Variants in MAGI3 observed in about 807,000 individuals in gnomAD.
MAGI3 encodes the protein membrane associated guanylate kinase, WW and PDZ domain containing 3, also known as membrane-associated guanylate kinase, WW and PDZ domain-containing protein 3.
MAGI3 carries 43 observed loss-of-function variants against 121.8 expected under a neutral mutation model. That is an observed-to-expected ratio of 0.35 (90% CI 0.28 to 0.46). The LOEUF (loss-of-function observed/expected upper bound fraction) is 0.46. Ranked by LOEUF, MAGI3 falls within the 20% of genes least tolerant of loss-of-function variation. The pLI is 1.00. For synonymous variants in MAGI3, 553 were observed against 639.3 expected (o/e 0.86, Z 2.04); for missense variants, 1,547 against 1,797.3 (o/e 0.86, Z 2.52).
chr1:113,603,443 C>A (rs1222401796), intron 6 of MAGI3, among the ~76,000 whole-genome samples: 2 of 152,130 alleles, frequency 1.3e-5, no homozygotes, highest in Non-Finnish European at 2.9e-5. Context: ...TAATTGGTAT[C>A]AATCCTACTG....
chr1:113,649,347 G>T lies in MAGI3; in HGVS notation c.2247+19G>T. On this transcript the variant is annotated intron_variant, in intron 13 of 20. Transcript: ENST00000307546. ...CCAGTCTGTAAGTGTCACTTCTTTG[G>T]AACATGGCTGTTTCCTGTTCAAACG... The T allele has an allele frequency of 6.4e-7, 1 of 1,553,134 alleles. No homozygotes were observed. Among genetic ancestry groups the T allele is most frequent in the South Asian group, 1.2e-5 (1 of 84,644 alleles).
intron 1 of MAGI3, among the ~76,000 whole-genome samples, chr1:113,447,227 A>T (rs1415040408): frequency 6.6e-6 from 1 of 152,240 alleles, no homozygotes; most frequent in African/African-American, 2.4e-5. Flanking sequence ...GGTCATTTAT[A>T]ATGAATGGAA....
chr1:113,598,215 T>G (rs1649140068), intron 6 of MAGI3, among the ~76,000 whole-genome samples: 1 of 136,120 alleles, frequency 7.3e-6, no homozygotes, highest in Admixed American at 7.3e-5. Flanking sequence ...CTGCCTGCCA[T>G]CCCCCCACCC....
chr1:113,684,740 A>C lies in MAGI3; in HGVS notation c.*726A>C, dbSNP rs1462753710. On this transcript the variant is annotated 3_prime_UTR_variant, in exon 21 of 21. Coordinates refer to ENST00000307546, the MANE Select transcript of MAGI3 (RefSeq NM_001142782.2). ...AATAAGAAAGTACTTTAAGCAATAGAGTTCATCTCCTGCTGTGTTATCCAA... is the reference window on the plus strand; with the variant it reads ...AATAAGAAAGTACTTTAAGCAATAGCGTTCATCTCCTGCTGTGTTATCCAA... 3 of 152,368 alleles carry C rather than the reference A, an allele frequency of 2.0e-5. No homozygotes were observed. Among genetic ancestry groups the C allele is most frequent in the Non-Finnish European group, 4.4e-5 (3 of 68,040 alleles). 9.4% of individuals were successfully genotyped at this position (152,368 alleles called of 1,614,324 possible). A position where few individuals can be genotyped will look rare whatever the true frequency, so the allele number is the denominator to read the frequency against.
intron 1 of MAGI3, among the ~76,000 whole-genome samples, chr1:113,540,868 A>G (rs1166206974): frequency 6.6e-6 from 1 of 152,230 alleles, no homozygotes; most frequent in Admixed American, 6.5e-5. Context: ...TTTTAGTTAT[A>G]CATAATTTGA....
intron 14 of MAGI3, 33 bp from the exon 15 acceptor site, chr1:113,653,797 C>A: frequency 3.3e-6 from 5 of 1,535,560 alleles, no homozygotes; most frequent in Non-Finnish European, 4.4e-6. Context: ...TATGATGTTC[C>A]AGACATATCA....
intron 1 of MAGI3, among the ~76,000 whole-genome samples, chr1:113,474,865 C>G (rs1655731839): frequency 6.6e-6 from 1 of 152,216 alleles, no homozygotes; most frequent in African/African-American, 2.4e-5. Context: ...TTCTTCCTAT[C>G]TATGAGCATG....
At chr1:113,559,684 C>T (rs1304184326) in intron 2 of MAGI3, among the ~76,000 whole-genome samples, 1 of 152,092 alleles carries the variant, frequency 6.6e-6, no homozygotes, top group Non-Finnish European at 1.5e-5. Flanking sequence ...TCTCCTGCTT[C>T]AGCCTCCTGA....
chr1:113,450,367 G>A, intron 1 of MAGI3: 2 of 1,217,752 alleles, frequency 1.6e-6, no homozygotes, highest in Non-Finnish European at 2.4e-6. Flanking sequence ...GGCAGCAGAG[G>A]TAGTTATGGA....
chr1:113,667,723 T>C (rs1357830589), intron 16 of MAGI3, among the ~76,000 whole-genome samples: 1 of 152,226 alleles, frequency 6.6e-6, no homozygotes, highest in Non-Finnish European at 1.5e-5. Flanking sequence ...CAACAAGCCT[T>C]CCTCACTAAG....
chr1:113,427,995 T>TA (rs1263619235), intron 1 of MAGI3, among the ~76,000 whole-genome samples: 5 of 151,970 alleles, frequency 3.3e-5, no homozygotes, highest in African/African-American at 1.2e-4. Context: ...TTAAAGTATA[T>TA]ACAATGAATG....
chr1:113,682,315 G>A (rs1648274475), intron 20 of MAGI3: 3 of 1,583,904 alleles, frequency 1.9e-6, no homozygotes, highest in Non-Finnish European at 2.6e-6. Context: ...AAATTTGCAT[G>A]TCTTGTAAAT....
chr1:113,537,693 G>A (rs1184943909), intron 1 of MAGI3, among the ~76,000 whole-genome samples: 5 of 152,104 alleles, frequency 3.3e-5, no homozygotes, highest in Admixed American at 2.6e-4. Context: ...TTCTGGAGTT[G>A]ATAACGTTTT....
chr1:113,548,235 A>G (rs1056689177), intron 1 of MAGI3, among the ~76,000 whole-genome samples: 1 of 152,132 alleles, frequency 6.6e-6, no homozygotes, highest in East Asian at 1.9e-4. Flanking sequence ...CTTAGCATTG[A>G]TTTTTTCTAA....
At position 113,391,464 on chromosome 1, in the gene MAGI3, C is replaced by T. The variant is rs749150513; in HGVS notation, c.316+115C>T. The T allele has an allele frequency of 2.7e-4, 321 of 1,188,344 alleles. 3 individuals carry two copies. The highest frequency in any genetic ancestry group is 6.3e-5 in the African/African-American group (4 of 63,646). The allele number at this position is 1,188,344 out of a possible 1,614,324, so 73.6% of individuals were successfully genotyped here. ...TATTGTCCCGGGTAATCTTAGACCT[C>T]TAGGGTGTGCCAGACTCCTTGACGA... On this transcript the variant is annotated intron_variant, in intron 1 of 20. Transcript: ENST00000307546. This position sits in a 1 kb window ranked among gnomAD's most constrained non-coding sequence, Gnocchi z 4.4.
intron 1 of MAGI3, among the ~76,000 whole-genome samples, chr1:113,543,156 T>G (rs1324170596): frequency 3.3e-5 from 5 of 152,140 alleles, no homozygotes; most frequent in Non-Finnish European, 5.9e-5. Flanking sequence ...GAAAGAAGTG[T>G]TTTTGGCTTT....
At chr1:113,551,635 C>T (rs1343759340) in intron 2 of MAGI3, among the ~76,000 whole-genome samples, 2 of 152,070 alleles carry the variant, frequency 1.3e-5, no homozygotes, top group Non-Finnish European at 2.9e-5. Flanking sequence ...GTCTCTGAAT[C>T]TCTGTTTTAC....
At chr1:113,534,992 T>C (rs904208168) in intron 1 of MAGI3, among the ~76,000 whole-genome samples, 4 of 152,168 alleles carry the variant, frequency 2.6e-5, no homozygotes, top group African/African-American at 9.7e-5. Context: ...GTAAGTGGCC[T>C]GCAAAAGGCC....
At chr1:113,628,018 T>C (rs1651349969) in intron 9 of MAGI3, among the ~76,000 whole-genome samples, 1 of 152,104 alleles carries the variant, frequency 6.6e-6, no homozygotes, top group Admixed American at 6.6e-5. Context: ...CCATATGGAT[T>C]GAGTGTTATT....
Sources: allele counts gnomAD v4.1 joint callset (sites outside exome capture counted in the v4.1 genomes callset), GRCh38; gene constraint gnomAD v4.1.1; non-coding constraint Gnocchi (gnomAD v3.1); transcripts MANE v1.5; gene names NCBI Gene and HGNC (gene_info 2026-07-23, HGNC 2026-07-21).